The following RBM26 variants were observed in gnomAD, a reference collection of about 807,000 sequenced individuals.
RBM26 encodes RNA-binding protein 26.
Under a neutral mutation model 123.6 loss-of-function variants are expected in RBM26, and 30 were observed. The observed-to-expected ratio is 0.24, with a 90% CI of 0.18 to 0.33. The LOEUF is 0.33. RBM26 is among the 10% of genes least tolerant of loss of function. RBM26 has a pLI of 1.00. For missense variants in RBM26, 947 were observed against 1,203.6 expected, an observed-to-expected ratio of 0.79 and a Z score of 3.15; for synonymous variants, 400 against 404.4, an observed-to-expected ratio of 0.99 and a Z score of 0.13.
intron 14 of RBM26, among the ~76,000 whole-genome samples, chr13:79,345,842 G>A (rs1030183168): frequency 6.6e-6 from 1 of 151,422 alleles, no homozygotes; most frequent in Admixed American, 6.6e-5. Context: ...TCTATACAAC[G>A]GTCAGCTCAA....
chr13:79,341,356 A>C, intron 17 of RBM26, 129 bp from the exon 18 acceptor site: 1 of 528,098 alleles, frequency 1.9e-6, no homozygotes, highest in Admixed American at 3.8e-5. Flanking sequence ...AATCACTCTA[A>C]TCCAAGCCAA....
At chr13:79,373,871 C>T (rs11620233) in intron 3 of RBM26, among the ~76,000 whole-genome samples, 68,274 of 149,206 alleles carry the variant, frequency 0.46, 16,571 homozygotes, top group East Asian at 0.72. Context: ...TACTAGAAAG[C>T]AACCTTGGAA....
rs951846195 is a variant in RBM26, at chr13:79,330,891, T to G, written c.2820+3453A>C. Reference sequence around the variant, plus strand: ...TTCTGGTAGCACAGTGCCCATCACATAGCAGCACTTAATAACTATTAAGTA... The same window carrying G: ...TTCTGGTAGCACAGTGCCCATCACAGAGCAGCACTTAATAACTATTAAGTA... On this transcript the variant is annotated intron_variant, in intron 20 of 21. Transcript: ENST00000438737. 4.6e-5 allele frequency among the ~76,000 whole-genome samples: 7 copies of G among 152,238 alleles called. No homozygotes were observed. In the East Asian group the frequency reaches 1.4e-3, roughly 29 times the overall value.
intron 1 of RBM26, among the ~76,000 whole-genome samples, chr13:79,383,731 T>C (rs1419841332): frequency 6.6e-6 from 1 of 152,136 alleles, no homozygotes; most frequent in Non-Finnish European, 1.5e-5. Context: ...TATTGTCATG[T>C]AGACACGTGC....
intron 20 of RBM26, among the ~76,000 whole-genome samples, chr13:79,327,799 G>A (rs1210248502): frequency 6.6e-6 from 1 of 152,120 alleles, no homozygotes; most frequent in Non-Finnish European, 1.5e-5. Flanking sequence ...GGAGACAGAT[G>A]AGGGTTGAAA....
Position 79,354,464 on chromosome 13 carries a change from TG to T in RBM26, c.1960del (p.Gln654ArgfsTer11). ...CTGAGGAAGGTCTGAAGAGGCACTC[TG>T]GGCTTCTGCAGGTTCAATAGTACTT... ...PSSTIEPAEA[Q>X]SASSDLPQNV... On this transcript the variant is annotated frameshift_variant, in exon 13 of 22. Coordinates refer to ENST00000438737, the MANE Select transcript of RBM26 (RefSeq NM_001366735.2). LOFTEE classifies it high-confidence loss of function. The T allele has an allele frequency of 6.3e-7, 1 of 1,597,534 alleles. No individual in the cohort carries two copies. The highest frequency in any genetic ancestry group is 1.1e-5 in the South Asian group (1 of 88,444).
At position 79,405,748 on chromosome 13, in the gene RBM26, G is replaced by A; in HGVS notation, c.27C>T (p.Asn9=). Residue 9 remains asparagine, a synonymous_variant, in exon 1 of 22, where the codon AAC becomes AAT. Transcript: ENST00000438737. ...TGAGCCAGGACTTGAGTGCCTCGAA[G>A]TTTTCAATGATCATTTTAGAAACCA... MVSKMIIE[N]FEALKSWLSK... 3 of 1,598,606 alleles carry A rather than the reference G, an allele frequency of 1.9e-6. No individual in the cohort carries two copies. Among genetic ancestry groups the A allele is most frequent in the East Asian group, 2.3e-5 (1 of 42,876 alleles).
chr13:79,367,863 C>T (rs2075472274), intron 6 of RBM26, among the ~76,000 whole-genome samples: 1 of 151,848 alleles, frequency 6.6e-6, no homozygotes, highest in Admixed American at 6.6e-5. Context: ...ATGAAAATAA[C>T]CTAACGAGAT....
intron 19 of RBM26, among the ~76,000 whole-genome samples, 198 bp downstream of exon 19, chr13:79,336,904 A>G (rs1317184719): frequency 6.6e-6 from 1 of 152,256 alleles, no homozygotes; most frequent in Non-Finnish European, 1.5e-5. Flanking sequence ...AAGTGTAAGA[A>G]TAGTAATGTC....
chr13:79,373,258 C>T lies in RBM26; in HGVS notation c.328-1328G>A, dbSNP rs1417820226. Among the ~76,000 whole-genome samples, 61 of 94,398 alleles carry T rather than the reference C, an allele frequency of 6.5e-4. 1 individual carries two copies. The East Asian group carries it at 0.016, about 25-fold the overall frequency. 61.9% of individuals were successfully genotyped at this position (94,398 alleles called of 152,430 possible). On this transcript the variant is annotated intron_variant, in intron 3 of 21. Transcript: ENST00000438737. Reference sequence around the variant, plus strand: ...TGTTTATGTGTGTATGTATTTATGACTTGGTGAGTTCTAATGTATTTATAT... The same window carrying T: ...TGTTTATGTGTGTATGTATTTATGATTTGGTGAGTTCTAATGTATTTATAT...
chr13:79,388,188 C>T (rs1305941122), intron 1 of RBM26, among the ~76,000 whole-genome samples: 3 of 152,208 alleles, frequency 2.0e-5, no homozygotes, highest in Non-Finnish European at 2.9e-5. Flanking sequence ...CTCCGCCTCC[C>T]GGGTTCAAGC....
chr13:79,323,169 G>A (rs1436800476), intron 20 of RBM26, among the ~76,000 whole-genome samples: 4 of 151,492 alleles, frequency 2.6e-5, no homozygotes, highest in Non-Finnish European at 4.4e-5. Context: ...GCTATATTAA[G>A]TGGCTGGTTT....
chr13:79,398,609 T>C (rs1466868558), intron 1 of RBM26, among the ~76,000 whole-genome samples: 2 of 152,362 alleles, frequency 1.3e-5, no homozygotes, highest in African/African-American at 4.8e-5. Flanking sequence ...AATTCTTTTA[T>C]GTGCAGCTCT....
intron 1 of RBM26, among the ~76,000 whole-genome samples, chr13:79,400,610 A>C (rs1336863719): frequency 6.6e-6 from 1 of 152,248 alleles, no homozygotes; most frequent in East Asian, 1.9e-4. Context: ...ATGAAGAAAA[A>C]AATGTCAATG....
At chr13:79,353,753 T>A (rs1011799904) in intron 13 of RBM26, among the ~76,000 whole-genome samples, 1 of 152,160 alleles carries the variant, frequency 6.6e-6, no homozygotes, top group South Asian at 2.1e-4. Context: ...TAAGGTGGCA[T>A]CCACTAGCTA....
At chr13:79,367,218 C>A (rs1433833540) in intron 6 of RBM26, among the ~76,000 whole-genome samples, 3 of 151,012 alleles carry the variant, frequency 2.0e-5, no homozygotes, top group Non-Finnish European at 4.4e-5. Flanking sequence ...ACCAGCCTGA[C>A]GAACATGGTG....
intron 1 of RBM26, among the ~76,000 whole-genome samples, chr13:79,399,951 G>A (rs576037681): frequency 1.3e-5 from 2 of 152,236 alleles, no homozygotes; most frequent in East Asian, 3.9e-4. Flanking sequence ...CCAGCAATTA[G>A]AGATAAAAGC....
intron 6 of RBM26, 136 bp downstream of exon 6, chr13:79,368,594 G>T: frequency 1.4e-6 from 1 of 710,990 alleles, no homozygotes; most frequent in Non-Finnish European, 2.3e-6. Flanking sequence ...TCATATTGAG[G>T]AATTCAAAAA....
At chr13:79,356,385 C>CAAAAAAA (rs1290686538) in intron 11 of RBM26, among the ~76,000 whole-genome samples, 1 of 12,392 alleles carries the variant, frequency 8.1e-5, no homozygotes, top group Non-Finnish European at 1.9e-4. Flanking sequence ...AAAAAAAAAA[C>CAAAAAAA]AAACAAAAAA....
Sources: allele counts gnomAD v4.1 joint callset (sites outside exome capture counted in the v4.1 genomes callset), GRCh38; gene constraint gnomAD v4.1.1; transcripts MANE v1.5; gene names NCBI Gene and HGNC (gene_info 2026-07-23, HGNC 2026-07-21).